Variants in CLN6 observed in about 807,000 individuals in gnomAD.
The protein encoded by CLN6 is CLN6 transmembrane ER protein.
Under a neutral mutation model 33.3 loss-of-function variants are expected in CLN6, and 22 were observed. That is an observed-to-expected ratio of 0.66 (90% CI 0.47 to 0.94). CLN6 has a LOEUF of 0.94. Ranked by LOEUF, CLN6 falls within the 40% of genes least tolerant of loss-of-function variation. The pLI is 0.00. For synonymous variants in CLN6, 201 were observed against 174.6 expected, an observed-to-expected ratio of 1.15 and a Z score of -1.19; for missense variants, 387 against 417.1, an observed-to-expected ratio of 0.93 and a Z score of 0.63.
chr15:68,221,642 C>T (rs1053589899), intron 1 of CLN6, among the ~76,000 whole-genome samples: 5 of 152,188 alleles, frequency 3.3e-5, no homozygotes, highest in Non-Finnish European at 5.9e-5. Context: ...AGGCTCTGCC[C>T]GGCCGCCACC....
intron 1 of CLN6, among the ~76,000 whole-genome samples, chr15:68,254,050 T>G (rs1450027462): frequency 3.3e-5 from 5 of 150,408 alleles, no homozygotes; most frequent in Non-Finnish European, 5.9e-5. Context: ...GCTAATTTTT[T>G]TTGTATTTTT....
At position 68,242,208 on chromosome 15, in the gene CLN6, C is replaced by T. The variant is rs1057303709; in HGVS notation, c.179+14482G>A. Among the ~76,000 whole-genome samples, 4 of 152,158 alleles carry T rather than the reference C, an allele frequency of 2.6e-5. No individual in the cohort carries two copies. The highest frequency in any genetic ancestry group is 1.9e-4 in the East Asian group (1 of 5,182). Reference sequence around the variant, plus strand: ...TACAAGATAATACAGAAAATCAATTCGGAATTTATTAAATTTAACAAAGAT... The same window carrying T: ...TACAAGATAATACAGAAAATCAATTTGGAATTTATTAAATTTAACAAAGAT... On this transcript the variant is annotated intron_variant, in intron 1 of 6. Transcript: ENST00000538696. The surrounding 1 kb of genome is among the most constrained non-coding windows in gnomAD (Gnocchi z 5.0).
Position 68,209,758 on chromosome 15 carries a change from AC to A in CLN6, c.543del (p.Trp181CysfsTer25). On this transcript the variant is annotated frameshift_variant and splice_region_variant, in exon 6 of 7. Coordinates refer to ENST00000249806, the MANE Select transcript of CLN6 (RefSeq NM_017882.3). LOFTEE classifies it high-confidence loss of function. The surrounding 1 kb of genome is among the most constrained non-coding windows in gnomAD (Gnocchi z 4.9). ...YYDEYLGHCM[W>X]YIPFFLILFM... is the part of the protein sequence containing the mutation. ...AAGAGGATGAGGAAGAAGGGGATGT[AC>A]CTGTGACAGGAAGGCCAGTGTCTTA... The A allele has an allele frequency of 6.2e-7, 1 of 1,613,232 alleles. No individual in the cohort carries two copies.
chr15:68,212,915 A>C (rs750694465), intron 3 of CLN6: 2 of 152,202 alleles, frequency 1.3e-5, no homozygotes, highest in Non-Finnish European at 2.9e-5. Context: ...TGTTAAGTAC[A>C]TATGTGTAGA....
Position 68,209,207 on chromosome 15 carries a change from C to A in CLN6, c.665+430G>T, listed in dbSNP as rs1383311173. Among the ~76,000 whole-genome samples, 2 of 152,164 alleles carry A rather than the reference C, an allele frequency of 1.3e-5. No individual in the cohort carries two copies. The highest frequency in any genetic ancestry group is 2.1e-4 in the South Asian group (1 of 4,834). Reference sequence around the variant, plus strand: ...CCATAGTGCTTTACATTTGACAAAGCCCCTCTCTGTCCTCAGCATCCTCAT... The same window carrying A: ...CCATAGTGCTTTACATTTGACAAAGACCCTCTCTGTCCTCAGCATCCTCAT... On this transcript the variant is annotated intron_variant, in intron 6 of 6. Transcript: ENST00000249806. The surrounding 1 kb of genome is among the most constrained non-coding windows in gnomAD (Gnocchi z 4.9).
Position 68,235,286 on chromosome 15 carries a change from A to C in CLN6, c.180-16636T>G, listed in dbSNP as rs192268388. On this transcript the variant is annotated intron_variant, in intron 1 of 6. Transcript: ENST00000538696. ...TGGGCAGCCTGCCTCTGGGACCTGC[A>C]TTCTCCAAAAACCACCACACAACTG... 1.9e-3 allele frequency among the ~76,000 whole-genome samples: 293 copies of C among 152,248 alleles called. 1 individual carries two copies. Among genetic ancestry groups the C allele is most frequent in the Middle Eastern group, 3.4e-3 (1 of 294 alleles).
upstream of CLN6, among the ~76,000 whole-genome samples, chr15:68,234,675 A>C (rs1375625796): frequency 6.6e-6 from 1 of 151,786 alleles, no homozygotes; most frequent in African/African-American, 2.4e-5. This position sits in a 1 kb window ranked among gnomAD's most constrained non-coding sequence, Gnocchi z 4.1. Flanking sequence ...AGAGCCCTCC[A>C]CTCTTTTCCT....
intron 2 of CLN6, 47 bp from the exon 3 acceptor site, chr15:68,214,435 C>A: frequency 6.8e-7 from 1 of 1,463,490 alleles, no homozygotes; most frequent in Non-Finnish European, 9.6e-7. Flanking sequence ...CAGCCCCACG[C>A]GGCCCTCGGG....
chr15:68,252,131 C>T (rs1043086461), intron 1 of CLN6, among the ~76,000 whole-genome samples: 14 of 151,966 alleles, frequency 9.2e-5, no homozygotes, highest in Admixed American at 1.3e-4. Flanking sequence ...GGCACCACCA[C>T]GCCCAGCTAA....
In CLN6 at chr15:68,207,787, CAGA is replaced by C. The variant is rs943997229; in HGVS notation, c.*350_*352del. 1.6e-5 allele frequency: 6 copies of C among 369,876 alleles called. No homozygotes were observed. Among genetic ancestry groups the C allele is most frequent in the African/African-American group, 1.0e-4 (5 of 47,722 alleles). 22.9% of individuals were successfully genotyped at this position (369,876 alleles called of 1,614,324 possible). On this transcript the variant is annotated 3_prime_UTR_variant, in exon 7 of 7. Transcript: ENST00000249806. ...ACCCAGCCCTCTCCTGCACGGCTAC[CAGA>C]AGATGTCCGGGAAGAACAGACTAGC...
chr15:68,208,440 T>G lies in CLN6; in HGVS notation c.666-30A>C. 6.2e-7 allele frequency: 1 copy of G among 1,610,788 alleles called. No homozygotes were observed. ...AAAGGCCAGGGGTGAGTGAGGCAGC[T>G]GCCGTGGCAACCCCGTCCTGCCTGG... On this transcript the variant is annotated intron_variant, in intron 6 of 6. Coordinates refer to ENST00000249806, the MANE Select transcript of CLN6 (RefSeq NM_017882.3). The surrounding 1 kb of genome is among the most constrained non-coding windows in gnomAD (Gnocchi z 5.8).
rs1276819520 is a variant in CLN6 at position 68,227,796 on chromosome 15, G to C, written c.83+1706C>G. Among the ~76,000 whole-genome samples, 1 of 152,202 alleles carries C rather than the reference G, an allele frequency of 6.6e-6. No individual in the cohort carries two copies. Among genetic ancestry groups the C allele is most frequent in the Non-Finnish European group, 1.5e-5 (1 of 68,038 alleles). On this transcript the variant is annotated intron_variant, in intron 1 of 6. Transcript: ENST00000249806. The surrounding 1 kb of genome is among the most constrained non-coding windows in gnomAD (Gnocchi z 4.1). ...CATCTGGCAGCTCATTGTCAAGACTGAGTAAGATGCTAGACATGGGAGCCC... is the reference window on the plus strand; with the variant it reads ...CATCTGGCAGCTCATTGTCAAGACTCAGTAAGATGCTAGACATGGGAGCCC...
At chr15:68,238,407 AAAAAAG>A (rs952695878) in intron 1 of CLN6, among the ~76,000 whole-genome samples, 4 of 152,060 alleles carry the variant, frequency 2.6e-5, no homozygotes, top group African/African-American at 9.7e-5. Context: ...GTCTCAAAAA[AAAAAAG>A]AAAAAGAAAG....
intron 2 of CLN6, chr15:68,218,281 T>C (rs1348379197): frequency 1.9e-5 from 8 of 417,654 alleles, no homozygotes; most frequent in Admixed American, 1.7e-4. Flanking sequence ...GTTACAGTAT[T>C]ACAGTATGAC....
At position 68,236,607 on chromosome 15, in the gene CLN6, A is replaced by T. The variant is rs1050083000; in HGVS notation, c.180-17957T>A. 5.9e-5 allele frequency among the ~76,000 whole-genome samples: 9 copies of T among 152,260 alleles called. No individual in the cohort carries two copies. The highest frequency in any genetic ancestry group is 3.9e-4 in the Admixed American group (6 of 15,292). ...TAGAAGGAAGTTGATAGTGATGGCT[A>T]ATGGATACAGGATTCCTCTTTGGGT... is the stretch of plus-strand genomic sequence containing the variant. On this transcript the variant is annotated intron_variant, in intron 1 of 6. Transcript: ENST00000538696. This position sits in a 1 kb window ranked among gnomAD's most constrained non-coding sequence, Gnocchi z 4.5.
intron 1 of CLN6, among the ~76,000 whole-genome samples, chr15:68,253,328 T>C (rs1233419383): frequency 6.6e-6 from 1 of 152,258 alleles, no homozygotes; most frequent in East Asian, 1.9e-4. Context: ...TTTTTGTTTT[T>C]ATTTTTCCTT....
At chr15:68,254,592 G>A (rs954899336) in intron 1 of CLN6, 3 of 575,428 alleles carry the variant, frequency 5.2e-6, no homozygotes, top group Middle Eastern at 4.1e-4. Flanking sequence ...TCAAAGCCAC[G>A]CTCCCAGCGC....
rs2093203474 is a variant in CLN6 at position 68,211,055 on chromosome 15, C to T, written c.542+208G>A. Among the ~76,000 whole-genome samples, 2 of 152,302 alleles carry T rather than the reference C, an allele frequency of 1.3e-5. No individual in the cohort carries two copies. Among genetic ancestry groups the T allele is most frequent in the Non-Finnish European group, 2.9e-5 (2 of 68,012 alleles). ...GGGGGATGCTGGCTGGAAGCCGGGG[C>T]CTGGAGCCTGGGACAGCAGCTGGGT... is the stretch of plus-strand genomic sequence containing the variant. On this transcript the variant is annotated intron_variant, in intron 5 of 6. Coordinates refer to ENST00000249806, the MANE Select transcript of CLN6 (RefSeq NM_017882.3). This position sits in a 1 kb window ranked among gnomAD's most constrained non-coding sequence, Gnocchi z 5.9.
At position 68,234,958 on chromosome 15, in the gene CLN6, AG is replaced by A. The variant is rs1892204339; in HGVS notation, c.180-16309del. Reference sequence around the variant, plus strand: ...CTTGAACCCGGGAGACGGAAGTTGCAGTGAGCCAAGATTGTGCCACTGCACA... The same window carrying A: ...CTTGAACCCGGGAGACGGAAGTTGCATGAGCCAAGATTGTGCCACTGCACA... On this transcript the variant is annotated intron_variant, in intron 1 of 6. Transcript: ENST00000538696. This position sits in a 1 kb window ranked among gnomAD's most constrained non-coding sequence, Gnocchi z 4.1. 6.6e-6 allele frequency among the ~76,000 whole-genome samples: 1 copy of A among 152,244 alleles called. No individual in the cohort carries two copies. Among genetic ancestry groups the A allele is most frequent in the Non-Finnish European group, 1.5e-5 (1 of 68,044 alleles).
Sources: gnomAD v4.1 joint callset for allele counts (sites outside exome capture counted in the v4.1 genomes callset) on GRCh38, gnomAD v4.1.1 for gene constraint, Gnocchi (gnomAD v3.1) non-coding constraint, MANE v1.5 for transcripts, NCBI Gene and HGNC (gene_info 2026-07-23, HGNC 2026-07-21) for gene names.